The following PDE10A variants were observed in gnomAD, a reference collection of about 807,000 sequenced individuals.
PDE10A encodes cAMP and cAMP-inhibited cGMP 3',5'-cyclic phosphodiesterase 10A.
In PDE10A, 39 loss-of-function variants were observed where a neutral mutation model predicts 97.7. That is an observed-to-expected ratio of 0.40 (90% CI 0.31 to 0.52). The LOEUF is 0.52. Ranked by LOEUF, PDE10A falls within the 20% of genes least tolerant of loss-of-function variation. The pLI, the probability that PDE10A is intolerant of heterozygous loss-of-function variation, is 0.56. For synonymous variants in PDE10A, 371 were observed against 376.8 expected, an observed-to-expected ratio of 0.98 and a Z score of 0.18; for missense variants, 731 against 1,047.8, an observed-to-expected ratio of 0.70 and a Z score of 4.17.
At chr6:165,540,780 C>T (rs1783389150) in intron 2 of PDE10A, among the ~76,000 whole-genome samples, 3 of 152,164 alleles carry the variant, frequency 2.0e-5, no homozygotes, top group South Asian at 4.1e-4. Flanking sequence ...CAGGCATGCG[C>T]CACTATGCCT....
intron 1 of PDE10A, among the ~76,000 whole-genome samples, chr6:165,874,545 A>T (rs944421012): frequency 6.6e-6 from 1 of 152,228 alleles, no homozygotes; most frequent in Non-Finnish European, 1.5e-5. Flanking sequence ...ATCAAAAATG[A>T]TCATTAGATG....
At chr6:165,891,808 T>C (rs1269207871) in intron 1 of PDE10A, among the ~76,000 whole-genome samples, 1 of 152,162 alleles carries the variant, frequency 6.6e-6, no homozygotes, top group African/African-American at 2.4e-5. Flanking sequence ...GCTGAAACAG[T>C]AGTTATAGCA....
intron 19 of PDE10A, among the ~76,000 whole-genome samples, chr6:165,342,834 G>A (rs1782053428): frequency 1.3e-5 from 2 of 152,164 alleles, no homozygotes; most frequent in Admixed American, 6.5e-5. Flanking sequence ...TGATAAATTA[G>A]ATAAGTCAGT....
At chr6:165,422,300 C>T (rs1331378674) in intron 10 of PDE10A, among the ~76,000 whole-genome samples, 4 of 149,414 alleles carry the variant, frequency 2.7e-5, no homozygotes, top group Non-Finnish European at 6.0e-5. Flanking sequence ...TACACACATA[C>T]GCATACACAC....
intron 1 of PDE10A, among the ~76,000 whole-genome samples, chr6:165,950,432 A>T (rs1203197192): frequency 6.6e-6 from 1 of 152,232 alleles, no homozygotes; most frequent in Non-Finnish European, 1.5e-5. Context: ...AAAGAATGAG[A>T]GAGGAGCTTG....
At chr6:165,928,894 TGG>T (rs1374967170) in intron 1 of PDE10A, among the ~76,000 whole-genome samples, 2 of 152,202 alleles carry the variant, frequency 1.3e-5, no homozygotes, top group African/African-American at 4.8e-5. Flanking sequence ...TAGGATTCTT[TGG>T]TTGAGAAGTT....
chr6:165,537,339 A>T (rs1163413824), intron 2 of PDE10A, among the ~76,000 whole-genome samples: 1 of 152,062 alleles, frequency 6.6e-6, no homozygotes, highest in East Asian at 1.9e-4. Flanking sequence ...AATTACAGTT[A>T]TATAGAAGGA....
chr6:165,610,322 T>C lies in PDE10A; in HGVS notation c.865+51625A>G, dbSNP rs374046086. 4.6e-3 allele frequency among the ~76,000 whole-genome samples: 705 copies of C among 152,172 alleles called. 11 individuals are homozygous for C. Among genetic ancestry groups the C allele is most frequent in the African/African-American group, 0.016 (674 of 41,524 alleles). On this transcript the variant is annotated intron_variant, in intron 1 of 21. Coordinates refer to ENST00000539869, the MANE Select transcript of PDE10A (RefSeq NM_001385079.1). ...ACTTTGGGAGGCCAAGGTGGGCGGA[T>C]CACGAGGTCAGGAGATCGAGACCAT...
chr6:165,789,622 A>G (rs1778592796), intron 1 of PDE10A, among the ~76,000 whole-genome samples: 1 of 152,244 alleles, frequency 6.6e-6, no homozygotes, highest in African/African-American at 2.4e-5. Flanking sequence ...GTTCTCTGGA[A>G]TATGTCAATC....
In PDE10A at chr6:165,947,186, T is replaced by C. The variant is rs1297753828; in HGVS notation, c.-615+40343A>G. The C allele has an allele frequency of 2.6e-5, 4 of 152,334 alleles. No homozygotes were observed. The East Asian group carries it at 5.8e-4, about 22-fold the overall frequency. The allele number at this position is 152,334 out of a possible 1,614,324, so 9.4% of individuals were successfully genotyped here. On this transcript the variant is annotated intron_variant, in intron 1 of 19. Transcript: ENST00000366882. The stretch of plus-strand genomic sequence containing the variant: ...CTGGGTATTTCCTCATGGAGTCATT[T>C]TGTCTTTTCCTCTATCTCCCATATT...
chr6:165,636,642 AC>A (rs1788891093), intron 1 of PDE10A, among the ~76,000 whole-genome samples: 1 of 152,224 alleles, frequency 6.6e-6, no homozygotes, highest in Admixed American at 6.5e-5. Context: ...TGCAATACTT[AC>A]GGTTCACAAA....
rs894898661 is a variant in PDE10A at position 165,330,406 on chromosome 6, A to C, written c.*2619T>G. On this transcript the variant is annotated 3_prime_UTR_variant, in exon 22 of 22. Transcript: ENST00000539869. ...CTGACAAAATACAAAAATACTCCTA[A>C]CTGCATGTTTTCCAAAACAAATCAT... 1 of 152,134 alleles carries C rather than the reference A, an allele frequency of 6.6e-6. No homozygotes were observed. Among genetic ancestry groups the C allele is most frequent in the Admixed American group, 6.5e-5 (1 of 15,270 alleles). 9.4% of individuals were successfully genotyped at this position (152,134 alleles called of 1,614,324 possible).
At chr6:165,745,409 C>T (rs1051683824) in intron 1 of PDE10A, among the ~76,000 whole-genome samples, 1 of 152,048 alleles carries the variant, frequency 6.6e-6, no homozygotes, top group Non-Finnish European at 1.5e-5. Context: ...CTTAATAAGC[C>T]CTTAAACAGC....
intron 1 of PDE10A, among the ~76,000 whole-genome samples, chr6:165,739,787 C>T (rs370566696): frequency 1.3e-5 from 2 of 152,024 alleles, no homozygotes; most frequent in Non-Finnish European, 2.9e-5. Flanking sequence ...AAACACATAA[C>T]CTGCTTAAAA....
At chr6:165,969,935 T>C (rs1784620058) in intron 1 of PDE10A, among the ~76,000 whole-genome samples, 1 of 152,224 alleles carries the variant, frequency 6.6e-6, no homozygotes, top group African/African-American at 2.4e-5. Flanking sequence ...CCCAAATTCC[T>C]TCATAATGAC....
chr6:165,405,410 A>G (rs938807023), intron 13 of PDE10A, among the ~76,000 whole-genome samples: 1 of 152,240 alleles, frequency 6.6e-6, no homozygotes, highest in East Asian at 1.9e-4. Flanking sequence ...TTAACAATGA[A>G]TTGAAATTTT....
At chr6:165,858,120 G>C (rs1780800785) in intron 1 of PDE10A, among the ~76,000 whole-genome samples, 1 of 152,158 alleles carries the variant, frequency 6.6e-6, no homozygotes, top group South Asian at 2.1e-4. Context: ...TTATTGCTTA[G>C]TAGGTGCTAT....
chr6:165,751,361 G>T (rs554546799), intron 1 of PDE10A, among the ~76,000 whole-genome samples: 1 of 152,194 alleles, frequency 6.6e-6, no homozygotes, highest in Non-Finnish European at 1.5e-5. Context: ...CCAGGAGAGC[G>T]TATCTGTGTG....
intron 1 of PDE10A, among the ~76,000 whole-genome samples, chr6:165,931,912 T>C (rs1033396833): frequency 1.3e-5 from 2 of 152,118 alleles, no homozygotes; most frequent in Admixed American, 6.5e-5. Context: ...GAGGTTGAGC[T>C]GGACCACCAG....
Sources: gnomAD v4.1 joint callset for allele counts (sites outside exome capture counted in the v4.1 genomes callset) on GRCh38, gnomAD v4.1.1 for gene constraint, MANE v1.5 for transcripts, NCBI Gene and HGNC (gene_info 2026-07-23, HGNC 2026-07-21) for gene names.